Variants in SAP18 observed in about 807,000 individuals in gnomAD.
SAP18 encodes the protein Sin3A associated protein 18.
Under a neutral mutation model 18.6 loss-of-function variants are expected in SAP18, and 4 were observed. The ratio of observed to expected loss-of-function variants is 0.21; its 90% CI spans 0.11 to 0.49. The LOEUF (loss-of-function observed/expected upper bound fraction) is 0.49, where lower values mean the gene tolerates loss of function less well. Among genes scored for constraint, SAP18 ranks in the 20% least tolerant of loss-of-function variants. SAP18 has a pLI of 0.98. For missense variants in SAP18, 170 were observed against 226.4 expected (o/e 0.75, Z 1.60); for synonymous variants, 112 against 82.8 (o/e 1.35, Z -1.92).
At position 21,140,878 on chromosome 13, in the gene SAP18, T is replaced by C. The variant is rs1195905475; in HGVS notation, c.130-8T>C. 3 of 1,610,268 alleles carry C rather than the reference T, an allele frequency of 1.9e-6. No homozygotes were observed. Among genetic ancestry groups the C allele is most frequent in the Non-Finnish European group, 2.5e-6 (3 of 1,176,636 alleles). On this transcript the variant is annotated splice_region_variant and splice_polypyrimidine_tract_variant and intron_variant, in intron 1 of 3. Coordinates refer to ENST00000621421, the Ensembl canonical transcript of SAP18. ...AACTTCTGCCCTTCCGTTTTCTCTC[T>C]CCCTCAGACATGCCCACTGTTGCTA...
chr13:21,145,518 T>G (rs549695722), intron 2 of SAP18, among the ~76,000 whole-genome samples: 1 of 152,218 alleles, frequency 6.6e-6, no homozygotes, highest in East Asian at 1.9e-4. Context: ...CAGGTTTTTT[T>G]GTTTTTGAGA....
intron 2 of SAP18, among the ~76,000 whole-genome samples, chr13:21,143,755 C>G (rs1168278393): frequency 1.3e-5 from 2 of 151,734 alleles, no homozygotes; most frequent in Non-Finnish European, 2.9e-5. Context: ...AAAAAATTAC[C>G]AAAAAAATCC....
At chr13:21,145,652 A>G (rs1869624829) in intron 2 of SAP18, among the ~76,000 whole-genome samples, 1 of 152,100 alleles carries the variant, frequency 6.6e-6, no homozygotes, top group Non-Finnish European at 1.5e-5. Context: ...ATTATAGGCT[A>G]CAGATGTGTG....
At chr13:21,140,175 G>A (rs1315818416), upstream of SAP18, among the ~76,000 whole-genome samples, 1 of 152,152 alleles carries the variant, frequency 6.6e-6, no homozygotes, top group Non-Finnish European at 1.5e-5. Flanking sequence ...GTACGCTGGC[G>A]GCCCCTCTTC....
chr13:21,143,827 A>G (rs551464796), intron 2 of SAP18, among the ~76,000 whole-genome samples: 3 of 152,230 alleles, frequency 2.0e-5, no homozygotes, highest in Non-Finnish European at 4.4e-5. Context: ...TTTAAGTTAC[A>G]TCTCAAAATG....
intron 2 of SAP18, among the ~76,000 whole-genome samples, chr13:21,143,543 T>G (rs1192191315): frequency 6.6e-6 from 1 of 152,154 alleles, no homozygotes; most frequent in Non-Finnish European, 1.5e-5. Flanking sequence ...TCTTCAGAAA[T>G]TAAAGTGTAT....
intron 2 of SAP18, among the ~76,000 whole-genome samples, chr13:21,144,445 G>T (rs1227246074): frequency 7.3e-6 from 1 of 137,788 alleles, no homozygotes. Flanking sequence ...TTATTGCAAA[G>T]AATTTGGTTT....
At chr13:21,141,345 C>T in intron 2 of SAP18, 1 of 308,492 alleles carries the variant, frequency 3.2e-6, no homozygotes, top group Admixed American at 4.7e-5. Flanking sequence ...ACTAGGACAA[C>T]ATGGTAAGGG....
At chr13:21,140,928 C>T in exon 2 of SAP18, 2 of 1,613,750 alleles carry the variant, frequency 1.2e-6, no homozygotes, top group Non-Finnish European at 1.7e-6. Flanking sequence ...CAATAACGGC[C>T]GCCACCACCG....
intron 2 of SAP18, among the ~76,000 whole-genome samples, chr13:21,144,823 A>G (rs1869590234): frequency 6.6e-6 from 1 of 152,188 alleles, no homozygotes; most frequent in Non-Finnish European, 1.5e-5. Flanking sequence ...TGTAGGTTTC[A>G]CACTGTCAGA....
intron 2 of SAP18, 48 bp downstream of exon 2, chr13:21,141,043 C>T (rs1354122699): frequency 8.3e-7 from 1 of 1,199,692 alleles, no homozygotes; most frequent in African/African-American, 1.5e-5. Flanking sequence ...GAACCTGGAA[C>T]AACAGTTAAT....
chr13:21,144,863 A>G (rs1423553326), intron 2 of SAP18, among the ~76,000 whole-genome samples: 1 of 152,170 alleles, frequency 6.6e-6, no homozygotes, highest in Admixed American at 6.6e-5. Flanking sequence ...TAAATCCCCC[A>G]AATTAATTAA....
At position 21,142,643 on chromosome 13, in the gene SAP18, T is replaced by C. The variant is rs116710569; in HGVS notation, c.239+1648T>C. On this transcript the variant is annotated intron_variant, in intron 2 of 3. Coordinates refer to ENST00000621421, the Ensembl canonical transcript of SAP18. ...CACCTGGTCATTAACCATTTCTAAG[T>C]GTACAATTTGGTGGCATTAATAGCA... Among the ~76,000 whole-genome samples, 245 of 152,274 alleles carry C rather than the reference T, an allele frequency of 1.6e-3. 2 individuals are homozygous for C. Among genetic ancestry groups the C allele is most frequent in the African/African-American group, 5.6e-3 (234 of 41,568 alleles).
chr13:21,140,413 C>T (rs998997161), upstream of SAP18: 9 of 943,656 alleles, frequency 9.5e-6, no homozygotes, highest in Non-Finnish European at 1.1e-5. Flanking sequence ...CAGCACCCGC[C>T]TTTTCCCGAA....
At position 21,147,314 on chromosome 13, in the gene SAP18, C is replaced by T. The variant is rs201976008; in HGVS notation, c.491C>T (p.Pro164Leu). The T allele has an allele frequency of 1.9e-6, 3 of 1,613,782 alleles. No individual in the cohort carries two copies. In the East Asian group the frequency reaches 6.7e-5, roughly 36 times the overall value. Residue 164 changes from proline (P) to leucine (L), a missense_variant, in exon 4 of 4, where the codon CCT becomes CTT. By Grantham distance (98) the Pro-to-Leu change is moderately conservative. Transcript: ENST00000621421. The stretch of plus-strand genomic sequence containing the variant: ...ATTACCCCTCCAAATCGGGCACCAC[C>T]TCCTTCAGGGCGCATGAGACCATAT...
intron 2 of SAP18, among the ~76,000 whole-genome samples, chr13:21,142,372 G>C (rs1239725490): frequency 6.6e-6 from 1 of 151,748 alleles, no homozygotes; most frequent in Admixed American, 6.6e-5. Flanking sequence ...TGTCACCCAG[G>C]CTGGAGTGCA....
chr13:21,140,708 C>T (rs1470403021), intron 1 of SAP18, 27 bp downstream of exon 1: 7 of 1,604,770 alleles, frequency 4.4e-6, no homozygotes, highest in South Asian at 2.2e-5. Context: ...CTTTGGGGTC[C>T]GGGAAGAGGT....
exon 4 of SAP18, chr13:21,147,502 T>G (rs1260081779): frequency 4.5e-6 from 3 of 669,396 alleles, no homozygotes; most frequent in Admixed American, 3.0e-5. Flanking sequence ...ATTGTATGAT[T>G]ACGAATAGTC....
chr13:21,140,590 T>C (rs1869420849), exon 1 of SAP18: 1 of 1,609,186 alleles, frequency 6.2e-7, no homozygotes, highest in African/African-American at 1.3e-5. Flanking sequence ...GGCGAGCGTC[T>C]CGCAGGCCGT....
Sources: allele counts gnomAD v4.1 joint callset (sites outside exome capture counted in the v4.1 genomes callset), GRCh38; gene constraint gnomAD v4.1.1; transcripts MANE v1.5; gene names NCBI Gene and HGNC (gene_info 2026-07-23, HGNC 2026-07-21).